The following SLC2A13 variants were observed in gnomAD, a reference collection of about 807,000 sequenced individuals.
SLC2A13 encodes solute carrier family 2 member 13.
Under a neutral mutation model 64.4 loss-of-function variants are expected in SLC2A13, and 32 were observed. That is an observed-to-expected ratio of 0.50 (90% CI 0.37 to 0.67). The LOEUF (loss-of-function observed/expected upper bound fraction) is 0.67, where lower values mean the gene tolerates loss of function less well. Ranked by LOEUF, SLC2A13 falls within the 30% of genes least tolerant of loss-of-function variation. The pLI, the probability that SLC2A13 is intolerant of heterozygous loss-of-function variation, is 0.00. For missense variants in SLC2A13, 743 were observed against 829.2 expected, an observed-to-expected ratio of 0.90 and a Z score of 1.28; for synonymous variants, 338 against 327.1, an observed-to-expected ratio of 1.03 and a Z score of -0.36.
At chr12:39,896,031 CATATGT>C (rs764821735) in intron 4 of SLC2A13, among the ~76,000 whole-genome samples, 1 of 138,908 alleles carries the variant, frequency 7.2e-6, no homozygotes, top group Non-Finnish European at 1.6e-5. Context: ...TACATACATG[CATATGT>C]TTATATACGC....
intron 3 of SLC2A13, among the ~76,000 whole-genome samples, chr12:39,991,869 TTTA>T (rs758896386): frequency 6.6e-5 from 10 of 152,206 alleles, no homozygotes; most frequent in Non-Finnish European, 1.3e-4. Context: ...ATCAAAAGCT[TTTA>T]TAGCTCACCC....
chr12:40,090,753 GT>G (rs1303184227), intron 1 of SLC2A13, among the ~76,000 whole-genome samples: 6 of 152,018 alleles, frequency 3.9e-5, no homozygotes, highest in Non-Finnish European at 8.8e-5. Context: ...CCTTAATCAG[GT>G]TATAAACCTT....
At chr12:39,846,161 T>C (rs541946207) in intron 6 of SLC2A13, among the ~76,000 whole-genome samples, 8 of 152,250 alleles carry the variant, frequency 5.3e-5, no homozygotes, top group East Asian at 1.9e-4. Flanking sequence ...TTCAGAACCA[T>C]ATAGATAAGA....
chr12:39,772,398 A>G (rs1940615284), intron 7 of SLC2A13, among the ~76,000 whole-genome samples: 1 of 152,284 alleles, frequency 6.6e-6, no homozygotes, highest in South Asian at 2.1e-4. Flanking sequence ...CAAAAGAATA[A>G]TCACCGTGCT....
chr12:40,085,928 G>A (rs1434742660), intron 1 of SLC2A13, among the ~76,000 whole-genome samples: 5 of 151,784 alleles, frequency 3.3e-5, no homozygotes, highest in Non-Finnish European at 5.9e-5. Context: ...AGCCTAGAGT[G>A]CAGTGGCACA....
chr12:40,054,915 T>C (rs763025146), intron 1 of SLC2A13, among the ~76,000 whole-genome samples: 4 of 152,192 alleles, frequency 2.6e-5, no homozygotes, highest in Non-Finnish European at 4.4e-5. Context: ...TTAATAATAA[T>C]GCTTCTTGAA....
At chr12:39,982,568 C>A (rs1946928281) in intron 3 of SLC2A13, among the ~76,000 whole-genome samples, 1 of 150,326 alleles carries the variant, frequency 6.7e-6, no homozygotes, top group Non-Finnish European at 1.5e-5. Flanking sequence ...GAGTGAACTC[C>A]CATTCACAAC....
intron 1 of SLC2A13, among the ~76,000 whole-genome samples, chr12:40,063,105 T>C (rs1302095354): frequency 1.3e-5 from 2 of 152,142 alleles, no homozygotes; most frequent in East Asian, 3.8e-4. Context: ...CCGGTATCTA[T>C]TTTACAACTT....
intron 7 of SLC2A13, among the ~76,000 whole-genome samples, chr12:39,817,445 T>C (rs1211456797): frequency 2.0e-5 from 3 of 152,322 alleles, no homozygotes; most frequent in East Asian, 3.9e-4. Flanking sequence ...TTTAGGCTCT[T>C]AGTAACTTAC....
intron 4 of SLC2A13, among the ~76,000 whole-genome samples, chr12:39,892,719 A>G (rs1944644352): frequency 1.3e-5 from 2 of 152,210 alleles, no homozygotes; most frequent in East Asian, 3.8e-4. Context: ...TTCTTTAAAA[A>G]TAAACAATAT....
At chr12:40,019,892 C>T (rs1430567003) in intron 3 of SLC2A13, among the ~76,000 whole-genome samples, 1 of 152,186 alleles carries the variant, frequency 6.6e-6, no homozygotes, top group Non-Finnish European at 1.5e-5. Flanking sequence ...ATTTTCTCCT[C>T]ACTGTATCCT....
chr12:40,025,207 C>T (rs970668858), intron 3 of SLC2A13, among the ~76,000 whole-genome samples: 3 of 152,224 alleles, frequency 2.0e-5, no homozygotes, highest in African/African-American at 7.2e-5. Context: ...CAACCTTATT[C>T]CATGGTATGG....
intron 3 of SLC2A13, among the ~76,000 whole-genome samples, chr12:40,027,434 G>T (rs1482242195): frequency 1.3e-5 from 2 of 152,184 alleles, no homozygotes; most frequent in Non-Finnish European, 2.9e-5. Context: ...ATCAAGCCAC[G>T]TGTGGCTAAC....
At chr12:39,995,960 T>C (rs1228395682) in intron 3 of SLC2A13, among the ~76,000 whole-genome samples, 1 of 152,226 alleles carries the variant, frequency 6.6e-6, no homozygotes, top group Non-Finnish European at 1.5e-5. Flanking sequence ...CCTCTTTCTT[T>C]TGTAAATTGC....
At chr12:39,852,434 C>T (rs1943494934) in intron 6 of SLC2A13, among the ~76,000 whole-genome samples, 1 of 152,200 alleles carries the variant, frequency 6.6e-6, no homozygotes, top group Non-Finnish European at 1.5e-5. Context: ...CAAGAAATTA[C>T]TGGTTTGCTT....
chr12:39,771,356 C>CTCAT (rs1235250482), intron 7 of SLC2A13, among the ~76,000 whole-genome samples: 6 of 152,172 alleles, frequency 3.9e-5, no homozygotes, highest in Non-Finnish European at 8.8e-5. Flanking sequence ...GCTGAAGTCT[C>CTCAT]TCATTCCCTT....
intron 7 of SLC2A13, among the ~76,000 whole-genome samples, chr12:39,797,727 AACACAC>A (rs1555237479): frequency 1.5e-4 from 13 of 84,064 alleles, no homozygotes; most frequent in African/African-American, 3.1e-4. Flanking sequence ...AGTTATGGTA[AACACAC>A]ACACACACAC....
chr12:39,904,109 A>T (rs1178656660), intron 4 of SLC2A13, among the ~76,000 whole-genome samples: 3 of 152,132 alleles, frequency 2.0e-5, no homozygotes, highest in Non-Finnish European at 1.5e-5. Context: ...GAAGTTGAGG[A>T]AGCCAAGCCC....
chr12:39,788,851 C>T (rs1941279670), intron 7 of SLC2A13, among the ~76,000 whole-genome samples: 1 of 152,140 alleles, frequency 6.6e-6, no homozygotes, highest in Admixed American at 6.6e-5. Flanking sequence ...ACTCAAACTT[C>T]AACTACTCAT....
Sources: allele counts gnomAD v4.1 joint callset (sites outside exome capture counted in the v4.1 genomes callset), GRCh38; gene constraint gnomAD v4.1.1; transcripts MANE v1.5; gene names NCBI Gene and HGNC (gene_info 2026-07-23, HGNC 2026-07-21).